TENM1: variants seen among roughly 807,000 people sequenced by gnomAD.
TENM1 encodes teneurin transmembrane protein 1, also known as teneurin-1.
TENM1 carries 35 observed loss-of-function variants against 174.8 expected under a neutral mutation model. The observed-to-expected ratio is 0.20, with a 90% confidence interval of 0.15 to 0.27. The LOEUF (loss-of-function observed/expected upper bound fraction) is 0.27, where lower values mean the gene tolerates loss of function less well. TENM1 is among the 10% of genes least tolerant of loss of function. TENM1 has a pLI of 1.00. For synonymous variants in TENM1, 781 were observed against 798.7 expected (o/e 0.98, Z 0.37); for missense variants, 1,633 against 2,130.1 (o/e 0.77, Z 4.59).
chrX:125,036,523 A>T, the TENM1 span, among the ~76,000 whole-genome samples: 8 of 111,542 alleles, frequency 7.2e-5, no homozygotes, highest in African/African-American at 2.6e-4. Context: ...ATCTATTTGT[A>T]TTCAGATGCA....
intron 3 of TENM1, among the ~76,000 whole-genome samples, chrX:124,865,651 G>C (rs778814403): frequency 9.0e-6 from 1 of 111,479 alleles, no homozygotes; most frequent in South Asian, 3.8e-4. Context: ...AATGGCAGGA[G>C]TAAGTCCTTA....
At chrX:124,733,521 G>C (rs1000027734) in intron 4 of TENM1, among the ~76,000 whole-genome samples, 2 of 111,920 alleles carry the variant, frequency 1.8e-5, no homozygotes, top group African/African-American at 3.2e-5. Context: ...TACAGATGAG[G>C]AGGCTGAGGC....
At chrX:124,876,721 A>T (rs1037323591) in intron 3 of TENM1, among the ~76,000 whole-genome samples, 3 of 111,944 alleles carry the variant, frequency 2.7e-5, no homozygotes, top group Non-Finnish European at 5.6e-5. Flanking sequence ...TTTCTATTTT[A>T]CAAATCAGAT....
At chrX:124,603,024 C>T (rs973658113) in intron 11 of TENM1, among the ~76,000 whole-genome samples, 4 of 110,831 alleles carry the variant, frequency 3.6e-5, no homozygotes, top group Non-Finnish European at 7.6e-5. Flanking sequence ...AGGAGAAGGC[C>T]ATATGAAGAC....
At chrX:125,199,694 A>C in the TENM1 span, among the ~76,000 whole-genome samples, 1 of 111,811 alleles carries the variant, frequency 8.9e-6, no homozygotes, top group Non-Finnish European at 1.9e-5. Flanking sequence ...AAGTTACATA[A>C]AAATCTAATA....
At chrX:125,112,799 GA>G in the TENM1 span, among the ~76,000 whole-genome samples, 1 of 111,303 alleles carries the variant, frequency 9.0e-6, no homozygotes, top group African/African-American at 3.3e-5. Context: ...ATATCATTGA[GA>G]AAAATTAAAG....
At chrX:124,515,338 G>A (rs763717737) in intron 18 of TENM1, among the ~76,000 whole-genome samples, 43 of 111,454 alleles carry the variant, frequency 3.9e-4, no homozygotes, top group African/African-American at 1.3e-3. Context: ...AGTATTGGAA[G>A]TCCTGGCCAG....
At chrX:125,194,485 C>G in the TENM1 span, among the ~76,000 whole-genome samples, 1 of 111,430 alleles carries the variant, frequency 9.0e-6, no homozygotes, top group Non-Finnish European at 1.9e-5. Context: ...TGATGTCTTT[C>G]TAACACAAGG....
At chrX:125,118,750 G>T in the TENM1 span, among the ~76,000 whole-genome samples, 1 of 108,714 alleles carries the variant, frequency 9.2e-6, no homozygotes, top group East Asian at 2.8e-4. Context: ...CTAACATTAA[G>T]AATAATACTA....
intron 10 of TENM1, among the ~76,000 whole-genome samples, chrX:124,644,044 C>CATATATATAT (rs72253813): frequency 5.1e-5 from 4 of 79,203 alleles, no homozygotes; most frequent in African/African-American, 1.8e-4. Context: ...ATATAAATGG[C>CATATATATAT]ATATATATAT....
the TENM1 span, among the ~76,000 whole-genome samples, chrX:125,021,416 G>A: frequency 1.8e-5 from 2 of 110,960 alleles, no homozygotes; most frequent in Middle Eastern, 9.4e-3. Context: ...TTGCGCATTA[G>A]CACCTGTTAC....
intron 2 of TENM1, among the ~76,000 whole-genome samples, chrX:124,895,185 T>C (rs148315089): frequency 5.9e-4 from 66 of 111,280 alleles, no homozygotes; most frequent in African/African-American, 1.9e-3. Flanking sequence ...AAGTACTAAT[T>C]ACCACTGTTA....
intron 3 of TENM1, among the ~76,000 whole-genome samples, chrX:124,858,957 G>A (rs2056862362): frequency 9.0e-6 from 1 of 110,905 alleles, no homozygotes; most frequent in African/African-American, 3.3e-5. Context: ...ATATATTTAT[G>A]ATGAATTTTG....
At chrX:124,563,671 C>A (rs906387588) in intron 13 of TENM1, 78 bp downstream of exon 16, 27 of 807,266 alleles carry the variant, frequency 3.3e-5, no homozygotes, top group Non-Finnish European at 4.7e-5. Flanking sequence ...TGCCAAAAAA[C>A]GCTACCCTTT....
intron 24 of TENM1, 56 bp downstream of exon 27, chrX:124,422,216 C>A (rs773671757): frequency 8.6e-7 from 1 of 1,157,853 alleles, no homozygotes; most frequent in Admixed American, 2.5e-5. Context: ...TACTGGGGCA[C>A]GTTTTTCTTT....
intron 1 of TENM1, among the ~76,000 whole-genome samples, chrX:124,957,316 G>T: frequency 9.0e-6 from 1 of 111,045 alleles, no homozygotes; most frequent in Middle Eastern, 4.6e-3. Flanking sequence ...GGGCATGGTG[G>T]CTCACACCTG....
intron 15 of TENM1, among the ~76,000 whole-genome samples, chrX:124,542,250 T>C (rs1380762996): frequency 8.9e-6 from 1 of 112,431 alleles, no homozygotes. Flanking sequence ...TACATAGCAG[T>C]AGATATTCAA....
At chrX:124,981,418 G>A in the TENM1 span, among the ~76,000 whole-genome samples, 5 of 111,691 alleles carry the variant, frequency 4.5e-5, no homozygotes, top group African/African-American at 1.3e-4. Context: ...AACTGCACCC[G>A]AGAGCCATGT....
chrX:125,000,032 T>C, the TENM1 span, among the ~76,000 whole-genome samples: 1 of 111,583 alleles, frequency 9.0e-6, no homozygotes, highest in African/African-American at 3.2e-5. Context: ...TTACATAAAA[T>C]ACAGCCCTAC....
Sources: allele counts gnomAD v4.1 joint callset (sites outside exome capture counted in the v4.1 genomes callset), GRCh38; gene constraint gnomAD v4.1.1; transcripts MANE v1.5; gene names NCBI Gene and HGNC (gene_info 2026-07-23, HGNC 2026-07-21).